The following MAG variants were observed in gnomAD, a reference collection of about 807,000 sequenced individuals.
MAG encodes the protein myelin-associated glycoprotein.
In MAG, 30 loss-of-function variants were observed where a neutral mutation model predicts 60.7. The observed-to-expected ratio is 0.49, with a 90% CI of 0.37 to 0.67. The LOEUF is 0.67. MAG is among the 30% of genes least tolerant of loss of function. The pLI is 0.00. For missense variants in MAG, 795 were observed against 851.7 expected, an observed-to-expected ratio of 0.93 and a Z score of 0.83; for synonymous variants, 384 against 376.8, an observed-to-expected ratio of 1.02 and a Z score of -0.22.
rs145990989 is a variant in MAG, at chr19:35,313,370, C to T, written c.1797C>T (p.His599=). ...EPPELDLSYS[H]SDLGKRPTKD... ...CAGAGCTGGACCTGAGCTATTCTCA[C>T]TCGGACCTGGGGAAACGGCCCACCA... The change falls in exon 11 of 11, where the codon CAC becomes CAT. Residue 599 remains histidine, a synonymous_variant. Transcript: ENST00000392213. 48 of 1,614,058 alleles carry T rather than the reference C, an allele frequency of 3.0e-5. No homozygotes were observed. Among genetic ancestry groups the T allele is most frequent in the Non-Finnish European group, 4.1e-5 (48 of 1,180,030 alleles).
chr19:35,299,037 C>CCCGCA (rs1236267672), intron 4 of MAG, among the ~76,000 whole-genome samples: 74 of 138,296 alleles, frequency 5.4e-4, no homozygotes, highest in Admixed American at 2.4e-3. Flanking sequence ...GCACCACACA[C>CCCGCA]CCACACCACA....
chr19:35,312,029 G>A lies in MAG; in HGVS notation c.1716+12G>A, dbSNP rs772336871. The A allele has an allele frequency of 1.2e-6, 2 of 1,608,446 alleles. No homozygotes were observed. The highest frequency in any genetic ancestry group is 1.3e-5 in the African/African-American group (1 of 74,808). On this transcript the variant is annotated intron_variant, in intron 10 of 10. Transcript: ENST00000392213. The stretch of plus-strand genomic sequence containing the variant: ...CAGAGAAGTACGAGGTAAGGACCAG[G>A]CTCCAGGCTGGCCTGGGAACCTGGA...
chr19:35,300,110 C>T (rs1231338849), intron 5 of MAG, 37 bp from the exon 6 acceptor site: 1 of 1,503,580 alleles, frequency 6.7e-7, no homozygotes, highest in Non-Finnish European at 8.9e-7. Flanking sequence ...GGTTCCCCAG[C>T]ACCTGCTCAC....
rs137946184 is a variant in MAG, at chr19:35,300,345, C to A, written c.911C>A (p.Ala304Asp). ...EVTPAEDGVY[A>D]CLAENAYGQD... is the part of the protein sequence containing the mutation. ...ACCCCCGCCGAAGACGGCGTCTATGCCTGCCTGGCCGAGAATGCCTATGGC... is the reference window on the plus strand; with the variant it reads ...ACCCCCGCCGAAGACGGCGTCTATGACTGCCTGGCCGAGAATGCCTATGGC... Residue 304 changes from alanine to aspartate, a missense_variant, in exon 6 of 11, where the codon GCC becomes GAC. Ala to Asp is a moderately radical substitution (Grantham distance 126). Transcript: ENST00000392213. The A allele has an allele frequency of 1.9e-6, 3 of 1,598,042 alleles. No homozygotes were observed. The highest frequency in any genetic ancestry group is 2.7e-5 in the African/African-American group (2 of 74,934).
rs1320853228 is a variant in MAG, at chr19:35,299,864, C to CGGGCG, written c.712+23_712+27dup. The CGGGCG allele has an allele frequency of 6.7e-6, 2 of 297,458 alleles. No individual in the cohort carries two copies. The highest frequency in any genetic ancestry group is 4.7e-5 in the African/African-American group (1 of 21,386). The allele number at this position is 297,458 out of a possible 1,614,324, so 18.4% of individuals were successfully genotyped here. On this transcript the variant is annotated intron_variant, in intron 5 of 10. Transcript: ENST00000392213. ...TGGACGTCAAGTGTGAGCCTGGGTGCGGGCGGGGCGGGGTGGGGCGGGGTG... is the reference window on the plus strand; with the variant it reads ...TGGACGTCAAGTGTGAGCCTGGGTGCGGGCGGGGCGGGGCGGGGTGGGGCGGGGTG...
intron 4 of MAG, among the ~76,000 whole-genome samples, chr19:35,297,228 C>A (rs2066405392): frequency 7.0e-6 from 1 of 141,976 alleles, no homozygotes. Flanking sequence ...ACCAAGCACA[C>A]ACCACACACA....
intron 10 of MAG, 30 bp downstream of exon 10, chr19:35,312,047 A>C: frequency 1.3e-6 from 2 of 1,592,082 alleles, no homozygotes; most frequent in Non-Finnish European, 1.7e-6. Flanking sequence ...CTGGCCTGGG[A>C]ACCTGGATGC....
At position 35,292,186 on chromosome 19, in the gene MAG, C is replaced by A. The variant is rs1463944700; in HGVS notation, c.-98C>A. The A allele has an allele frequency of 2.2e-6, 1 of 455,224 alleles. No individual in the cohort carries two copies. The highest frequency in any genetic ancestry group is 4.4e-6 in the Non-Finnish European group (1 of 226,898). 28.2% of individuals were successfully genotyped at this position (455,224 alleles called of 1,614,324 possible). ...GAGCTGGGCTGGCGGAGCAGAGGTG[C>A]AGAAGCAACTGAGTCCAAGTGAGTA... On this transcript the variant is annotated 5_prime_UTR_variant, in exon 1 of 11. Coordinates refer to ENST00000392213, the MANE Select transcript of MAG (RefSeq NM_002361.4).
At chr19:35,297,166 ACAC>A (rs1479408952) in intron 4 of MAG, among the ~76,000 whole-genome samples, 2 of 138,594 alleles carry the variant, frequency 1.4e-5, no homozygotes, top group Non-Finnish European at 3.1e-5. Context: ...CCACACACAC[ACAC>A]CACATTACAA....
chr19:35,309,513 A>G (rs2066509115), intron 7 of MAG, among the ~76,000 whole-genome samples: 1 of 152,016 alleles, frequency 6.6e-6, no homozygotes, highest in Non-Finnish European at 1.5e-5. Context: ...CCTGACCTCA[A>G]GTGATCCACT....
chr19:35,299,816 G>C lies in MAG; in HGVS notation c.678G>C (p.Leu226=), dbSNP rs1469698690. Residue 226 remains leucine, a synonymous_variant, in exon 5 of 11, where the codon CTG becomes CTC. Coordinates refer to ENST00000392213, the MANE Select transcript of MAG (RefSeq NM_002361.4). ...GCQASFPNTT[L]QFEGYASMDV... Reference sequence around the variant, plus strand: ...AGGCCTCCTTCCCCAACACCACCCTGCAGTTCGAGGGCTACGCCAGCATGG... The same window carrying C: ...AGGCCTCCTTCCCCAACACCACCCTCCAGTTCGAGGGCTACGCCAGCATGG... 22 of 1,530,070 alleles carry C rather than the reference G, an allele frequency of 1.4e-5. No individual in the cohort carries two copies. Among genetic ancestry groups the C allele is most frequent in the Non-Finnish European group, 1.9e-5 (22 of 1,142,394 alleles). The allele number at this position is 1,530,070 out of a possible 1,614,324, so 94.8% of individuals were successfully genotyped here.
At chr19:35,311,310 C>T (rs754002957) in intron 9 of MAG, among the ~76,000 whole-genome samples, 3 of 151,934 alleles carry the variant, frequency 2.0e-5, no homozygotes, top group African/African-American at 7.2e-5. Context: ...TACAAAAAAA[C>T]AAAAAAATTA....
Position 35,310,606 on chromosome 19 carries a change from A to G in MAG, c.1579A>G (p.Ile527Val), listed in dbSNP as rs1256080150. The change falls in exon 9 of 11, where the codon ATT becomes GTT. Residue 527 changes from isoleucine (I) to valine (V), a missense_variant. Transcript: ENST00000392213. ...VGAVVAFAIL[I>V]AIVCYITQTR... ...CGCCGTGGTCGCCTTTGCCATCCTG[A>G]TTGCCATCGTCTGCTACATTACCCA... 1.9e-6 allele frequency: 3 copies of G among 1,614,082 alleles called. No homozygotes were observed. Among genetic ancestry groups the G allele is most frequent in the Non-Finnish European group, 1.7e-6 (2 of 1,180,018 alleles).
rs370295577 is a variant in MAG, at chr19:35,313,393, C to A, written c.1820C>A (p.Thr607Asn). The change falls in exon 11 of 11, where the codon ACC becomes AAC. Residue 607 changes from threonine to asparagine, a missense_variant. By Grantham distance (65) the Thr-to-Asn change is moderately conservative. Transcript: ENST00000392213. ...YSHSDLGKRP[T>N]KDSYTLTEEL... is the part of the protein sequence containing the mutation. Reference sequence around the variant, plus strand: ...CACTCGGACCTGGGGAAACGGCCCACCAAGGACAGCTACACGCTGACGGAG... The same window carrying A: ...CACTCGGACCTGGGGAAACGGCCCAACAAGGACAGCTACACGCTGACGGAG... 4.3e-5 allele frequency: 69 copies of A among 1,613,968 alleles called. No homozygotes were observed. The highest frequency in any genetic ancestry group is 5.7e-5 in the Non-Finnish European group (67 of 1,179,988).
intron 4 of MAG, among the ~76,000 whole-genome samples, chr19:35,296,896 CCAAA>C (rs1303050230): frequency 1.3e-5 from 2 of 150,952 alleles, no homozygotes; most frequent in South Asian, 2.1e-4. Flanking sequence ...TGCCCACACA[CCAAA>C]CATACACATC....
In MAG at chr19:35,299,769, A is replaced by C. The variant is rs1342354010; in HGVS notation, c.631A>C (p.Asn211His). 6.4e-7 allele frequency: 1 copy of C among 1,550,790 alleles called. No individual in the cohort carries two copies. Among genetic ancestry groups the C allele is most frequent in the Admixed American group, 1.9e-5 (1 of 52,174 alleles). Residue 211 changes from asparagine to histidine, a missense_variant, in exon 5 of 11, where the codon AAC (asparagine) becomes CAC (histidine). Transcript: ENST00000392213. ...LLHFVPTREA[N>H]GHRLGCQASF... ...GCACTTCGTGCCCACGAGGGAGGCC[A>C]ACGGCCACAGGCTGGGCTGCCAGGC...
At position 35,310,180 on chromosome 19, in the gene MAG, G is replaced by C. The variant is rs2066516818; in HGVS notation, c.1519+19G>C. 6.3e-7 allele frequency: 1 copy of C among 1,592,120 alleles called. No individual in the cohort carries two copies. On this transcript the variant is annotated intron_variant, in intron 8 of 10. Coordinates refer to ENST00000392213, the MANE Select transcript of MAG (RefSeq NM_002361.4). ...GGAGCCCGTGAGTGGCGTGGACTTG[G>C]GGTGGGAGCCACAGGAGGGAGCGGG...
At chr19:35,306,295 C>T (rs1032512094) in intron 7 of MAG, among the ~76,000 whole-genome samples, 4 of 150,292 alleles carry the variant, frequency 2.7e-5, no homozygotes, top group Non-Finnish European at 5.9e-5. Flanking sequence ...CATCATCTTT[C>T]TCACTGATTT....
At position 35,300,421 on chromosome 19, in the gene MAG, G is replaced by A. The variant is rs200493521; in HGVS notation, c.970+17G>A. ...GTGTCATGTGTGAGTGGCCCACTCT[G>A]TGCGTCCACACGCCCACCTGCAGCC... On this transcript the variant is annotated intron_variant, in intron 6 of 10. Coordinates refer to ENST00000392213, the MANE Select transcript of MAG (RefSeq NM_002361.4). 116 of 1,545,192 alleles carry A rather than the reference G, an allele frequency of 7.5e-5. No individual in the cohort carries two copies. The African/African-American group carries it at 1.0e-3, about 13-fold the overall frequency.
Sources: allele counts gnomAD v4.1 joint callset (sites outside exome capture counted in the v4.1 genomes callset), GRCh38; gene constraint gnomAD v4.1.1; transcripts MANE v1.5; gene names NCBI Gene and HGNC (gene_info 2026-07-23, HGNC 2026-07-21).